Variants in SERPINB2 observed in about 807,000 individuals in gnomAD.
SERPINB2 encodes the protein serpin family B member 2.
SERPINB2 carries 28 observed loss-of-function variants against 39.4 expected under a neutral mutation model. The ratio of observed to expected loss-of-function variants is 0.71; its 90% confidence interval spans 0.53 to 0.97. The LOEUF is 0.97. Among genes scored for constraint, SERPINB2 ranks in the 50% least tolerant of loss-of-function variants. The pLI, the probability that SERPINB2 is intolerant of heterozygous loss-of-function variation, is 0.00. For synonymous variants in SERPINB2, 209 were observed against 175.1 expected (o/e 1.19, Z -1.53); for missense variants, 557 against 505.3 (o/e 1.10, Z -0.98).
chr18:63,899,488 T>G (rs1266908848), intron 5 of SERPINB2, among the ~76,000 whole-genome samples: 1 of 152,184 alleles, frequency 6.6e-6, no homozygotes, highest in Non-Finnish European at 1.5e-5. Flanking sequence ...ATAAATGTAT[T>G]TCTAAGAAAC....
intron 2 of SERPINB2, among the ~76,000 whole-genome samples, chr18:63,894,183 A>G (rs566504935): frequency 6.6e-6 from 1 of 152,172 alleles, no homozygotes; most frequent in African/African-American, 2.4e-5. Flanking sequence ...GTGCTAGCCC[A>G]AAGAACCCTG....
In SERPINB2 at chr18:63,903,420, A is replaced by C; in HGVS notation, c.*115A>C. 1 of 1,010,978 alleles carries C rather than the reference A, an allele frequency of 9.9e-7. No homozygotes were observed. Among genetic ancestry groups the C allele is most frequent in the Non-Finnish European group, 1.4e-6 (1 of 732,822 alleles). The allele number at this position is 1,010,978 out of a possible 1,614,324, so 62.6% of individuals were successfully genotyped here. A position where few individuals can be genotyped will look rare whatever the true frequency, so the allele number is the denominator to read the frequency against. On this transcript the variant is annotated 3_prime_UTR_variant, in exon 8 of 8. Transcript: ENST00000299502. ...TTTTCTACATATTTCTGCTCTTCTG[A>C]ACAACTTCTGCTACCCACTAAATAA...
chr18:63,902,805 GTCAC>G (rs2050001239), intron 7 of SERPINB2, 92 bp from the exon 8 acceptor site: 2 of 1,316,936 alleles, frequency 1.5e-6, no homozygotes, highest in Admixed American at 5.8e-5. Flanking sequence ...ATATAGTAAA[GTCAC>G]TGATTTTTAA....
chr18:63,897,955 G>A (rs1317945277), intron 5 of SERPINB2, 111 bp downstream of exon 5: 17 of 720,334 alleles, frequency 2.4e-5, no homozygotes, highest in Non-Finnish European at 3.1e-5. Flanking sequence ...TTGTCCAACT[G>A]CAGTTACTTT....
chr18:63,899,626 G>A (rs538605258), intron 5 of SERPINB2, among the ~76,000 whole-genome samples: 1 of 152,298 alleles, frequency 6.6e-6, no homozygotes, highest in South Asian at 2.1e-4. Flanking sequence ...GTTCCCAGGG[G>A]ATTAGCCGGC....
intron 3 of SERPINB2, among the ~76,000 whole-genome samples, chr18:63,895,670 T>A (rs944162520): frequency 2.0e-5 from 3 of 152,164 alleles, no homozygotes; most frequent in African/African-American, 7.2e-5. Context: ...TTATCATAAA[T>A]CCACAGTAGA....
intron 2 of SERPINB2, among the ~76,000 whole-genome samples, chr18:63,892,919 T>C (rs9951333): frequency 0.26 from 40,185 of 152,078 alleles, 5,760 homozygotes; most frequent in East Asian, 0.48. Flanking sequence ...CATCAGGTCT[T>C]AGGTTTTTTT....
chr18:63,896,091 T>G (rs546195199), intron 3 of SERPINB2, among the ~76,000 whole-genome samples: 32 of 152,338 alleles, frequency 2.1e-4, no homozygotes, highest in African/African-American at 7.7e-4. Flanking sequence ...GTCATGCTTA[T>G]GAGGTAGATT....
Position 63,890,451 on chromosome 18 carries a change from A to T in SERPINB2, c.-9-985A>T, listed in dbSNP as rs532774827. On this transcript the variant is annotated intron_variant, in intron 1 of 7. Transcript: ENST00000299502. ...GGTATATTTACATATTTTGATAATT[A>T]TCGGGTATGTTGCAAGCTATGATGA... 3 of 152,316 alleles carry T rather than the reference A, an allele frequency of 2.0e-5. No homozygotes were observed. In the South Asian group the frequency reaches 6.2e-4, roughly 32 times the overall value. The allele number at this position is 152,316 out of a possible 1,614,324, so 9.4% of individuals were successfully genotyped here.
chr18:63,899,364 C>A (rs2049978950), intron 5 of SERPINB2, among the ~76,000 whole-genome samples: 1 of 152,176 alleles, frequency 6.6e-6, no homozygotes, highest in Non-Finnish European at 1.5e-5. Flanking sequence ...CACACTTATC[C>A]TATGCCCCCA....
chr18:63,901,804 T>C lies in SERPINB2; in HGVS notation c.600T>C (p.Asn200=), dbSNP rs1158428423. Residue 200 remains asparagine (N), a synonymous_variant, in exon 6 of 8, where the codon AAT becomes AAC. Coordinates refer to ENST00000299502, the MANE Select transcript of SERPINB2 (RefSeq NM_002575.3). ...GGGATACCAGGATGGTCCTGGTGAA[T>C]GCTGTCTACTTCAAAGGAAAGTGGA... The part of the protein sequence containing the change: ...VDGDTRMVLV[N]AVYFKGKWKT... 2 of 1,601,150 alleles carry C rather than the reference T, an allele frequency of 1.2e-6. No homozygotes were observed.
intron 5 of SERPINB2, among the ~76,000 whole-genome samples, chr18:63,901,039 G>T (rs1286511512): frequency 1.3e-5 from 2 of 151,966 alleles, no homozygotes; most frequent in Non-Finnish European, 2.9e-5. Flanking sequence ...TAAACAAACT[G>T]CTTCTTAAAC....
intron 4 of SERPINB2, among the ~76,000 whole-genome samples, 166 bp from the exon 5 acceptor site, chr18:63,897,561 G>C (rs1045918446): frequency 1.3e-5 from 2 of 151,892 alleles, no homozygotes; most frequent in Admixed American, 6.6e-5. Context: ...CGTGGACAAA[G>C]GGGTCTGCAC....
intron 2 of SERPINB2, among the ~76,000 whole-genome samples, chr18:63,893,865 A>G (rs1031128296): frequency 6.6e-6 from 1 of 152,158 alleles, no homozygotes; most frequent in Non-Finnish European, 1.5e-5. Context: ...TGATTACCGT[A>G]CTCATTTTAC....
At chr18:63,902,179 T>G (rs998306731) in intron 6 of SERPINB2, among the ~76,000 whole-genome samples, 12 of 152,186 alleles carry the variant, frequency 7.9e-5, no homozygotes, top group African/African-American at 2.9e-4. Flanking sequence ...GAATTATGGT[T>G]GTCATTACCA....
In SERPINB2 at chr18:63,897,819, T is replaced by G; in HGVS notation, c.510T>G (p.Asn170Lys). The change falls in exon 5 of 8, where the codon AAT becomes AAG. Residue 170 changes from asparagine to lysine, a missense_variant. Asn to Lys is a moderately conservative substitution (Grantham distance 94). Transcript: ENST00000299502. ...CAGAAGAAGCTAGAAAAAAGATTAA[T>G]TCCTGGGTCAAGACTCAAACCAAAG... ...ECAEEARKKI[N>K]SWVKTQTKGK... 1 of 1,610,574 alleles carries G rather than the reference T, an allele frequency of 6.2e-7. No individual in the cohort carries two copies. The highest frequency in any genetic ancestry group is 8.5e-7 in the Non-Finnish European group (1 of 1,177,176).
chr18:63,896,126 T>C (rs1049424868), intron 3 of SERPINB2, among the ~76,000 whole-genome samples: 4 of 152,184 alleles, frequency 2.6e-5, no homozygotes, highest in Non-Finnish European at 5.9e-5. Flanking sequence ...CCCAAAGCTC[T>C]CTTCCTGGGC....
At chr18:63,889,347 ATT>A (rs1220370871) in intron 1 of SERPINB2, among the ~76,000 whole-genome samples, 2 of 152,098 alleles carry the variant, frequency 1.3e-5, no homozygotes, top group Non-Finnish European at 2.9e-5. Flanking sequence ...GTTCTTATTA[ATT>A]TTTTTCTTTA....
chr18:63,900,619 C>T lies in SERPINB2; in HGVS notation c.536-1121C>T, dbSNP rs569009409. 1.4e-4 allele frequency among the ~76,000 whole-genome samples: 22 copies of T among 152,176 alleles called. 1 individual carries two copies. The highest frequency in any genetic ancestry group is 4.6e-4 in the Admixed American group (7 of 15,276). On this transcript the variant is annotated intron_variant, in intron 5 of 7. Coordinates refer to ENST00000299502, the MANE Select transcript of SERPINB2 (RefSeq NM_002575.3). ...AGTTTACGCAGAAATTTCTAGGGAACGGGGAATAACTTTTGGGTCATCAGG... is the reference window on the plus strand; with the variant it reads ...AGTTTACGCAGAAATTTCTAGGGAATGGGGAATAACTTTTGGGTCATCAGG...
Sources: gnomAD v4.1 joint callset for allele counts (sites outside exome capture counted in the v4.1 genomes callset) on GRCh38, gnomAD v4.1.1 for gene constraint, MANE v1.5 for transcripts, NCBI Gene and HGNC (gene_info 2026-07-23, HGNC 2026-07-21) for gene names.